Variants in ATP13A4 observed in about 807,000 individuals in gnomAD.
The protein encoded by ATP13A4 is ATPase 13A4, also known as probable cation-transporting ATPase 13A4.
In ATP13A4, 114 loss-of-function variants were observed where a neutral mutation model predicts 142.5. That is an observed-to-expected ratio of 0.80 (90% CI 0.69 to 0.93). ATP13A4 has a LOEUF of 0.93. Among genes scored for constraint, ATP13A4 ranks in the 40% least tolerant of loss-of-function variants. The probability of loss-of-function intolerance (pLI) is 0.00; values close to 1 mark genes in which losing one functional copy is unlikely to be tolerated. For missense variants in ATP13A4, 1,392 were observed against 1,454.0 expected, an observed-to-expected ratio of 0.96 and a Z score of 0.69; for synonymous variants, 488 against 514.8, an observed-to-expected ratio of 0.95 and a Z score of 0.70.
chr3:193,431,083 A>G (rs546703877), intron 25 of ATP13A4, among the ~76,000 whole-genome samples: 2 of 152,198 alleles, frequency 1.3e-5, no homozygotes, highest in East Asian at 3.9e-4. Flanking sequence ...TGATGGGTGA[A>G]GAAACAAGAA....
intron 1 of ATP13A4, among the ~76,000 whole-genome samples, chr3:193,551,142 G>A (rs756953526): frequency 2.6e-5 from 4 of 152,104 alleles, no homozygotes; most frequent in Admixed American, 6.5e-5. Flanking sequence ...GGCCAGGTGC[G>A]GTGGCTCATG....
chr3:193,478,550 A>G (rs1027085562), intron 8 of ATP13A4, among the ~76,000 whole-genome samples: 21 of 152,048 alleles, frequency 1.4e-4, no homozygotes, highest in African/African-American at 4.8e-4. Context: ...TCCTGGAAAT[A>G]TACAACCCTC....
intron 1 of ATP13A4, among the ~76,000 whole-genome samples, chr3:193,540,654 A>C (rs1249752704): frequency 6.6e-6 from 1 of 152,068 alleles, no homozygotes; most frequent in Non-Finnish European, 1.5e-5. Flanking sequence ...AATGTATATC[A>C]GTAGGGCAAT....
chr3:193,585,104 T>G (rs1724643061), intron 1 of ATP13A4, among the ~76,000 whole-genome samples: 1 of 152,184 alleles, frequency 6.6e-6, no homozygotes, highest in Non-Finnish European at 1.5e-5. Flanking sequence ...TTCGCAAACT[T>G]TGTTACTGTT....
chr3:193,400,543 C>T lies in ATP13A4; in HGVS notation c.*2109G>A, dbSNP rs1714228528. On this transcript the variant is annotated 3_prime_UTR_variant, in exon 30 of 30. Transcript: ENST00000342695. ...TTCTTTGCTTGACTGTGAGATCACA[C>T]TAAGCAACCTGCCCTGCTGGAACTC... is the stretch of plus-strand genomic sequence containing the variant. Among the ~76,000 whole-genome samples the T allele has an allele frequency of 6.6e-6, 1 of 152,204 alleles. No individual in the cohort carries two copies. Among genetic ancestry groups the T allele is most frequent in the South Asian group, 2.1e-4 (1 of 4,826 alleles).
chr3:193,495,617 A>G (rs1413682494), intron 3 of ATP13A4, among the ~76,000 whole-genome samples: 2 of 152,174 alleles, frequency 1.3e-5, no homozygotes, highest in East Asian at 1.9e-4. Context: ...ATCAACAGCT[A>G]ATATCATACA....
intron 10 of ATP13A4, among the ~76,000 whole-genome samples, chr3:193,466,732 C>G (rs1220152258): frequency 6.6e-6 from 1 of 152,188 alleles, no homozygotes; most frequent in Admixed American, 6.5e-5. Context: ...ATAGCAGAAA[C>G]AGTAAGCATC....
chr3:193,467,322 G>A lies in ATP13A4; in HGVS notation c.1108C>T (p.Gln370Ter). The A allele has an allele frequency of 3.1e-6, 5 of 1,614,192 alleles. No individual in the cohort carries two copies. Among genetic ancestry groups the A allele is most frequent in the Non-Finnish European group, 4.2e-6 (5 of 1,180,026 alleles). Residue 370 changes from glutamine (Q) to a stop codon, truncating the protein, a stop_gained, in exon 10 of 30, where the codon CAG becomes TAG. Coordinates refer to ENST00000342695, the MANE Select transcript of ATP13A4 (RefSeq NM_032279.4). LOFTEE classifies it high-confidence loss of function. ...AAAAGGAGGGGATGCTAACCAGTCTGCAGTACCACGGCTCTCACGGTCCCA... is the reference window on the plus strand; with the variant it reads ...AAAAGGAGGGGATGCTAACCAGTCTACAGTACCACGGCTCTCACGGTCCCA... ...CSGTVRAVVL[Q>*]TGFNTAKGDL... is the part of the protein sequence containing the mutation.
chr3:193,556,511 A>G (rs200768261), upstream of ATP13A4, among the ~76,000 whole-genome samples: 75 of 147,418 alleles, frequency 5.1e-4, no homozygotes, highest in Admixed American at 2.0e-3. Context: ...GTGTGTGTGT[A>G]TATATATATG....
At chr3:193,581,540 C>T (rs1010735862) in intron 2 of ATP13A4, among the ~76,000 whole-genome samples, 1 of 152,096 alleles carries the variant, frequency 6.6e-6, no homozygotes, top group Non-Finnish European at 1.5e-5. Context: ...AAAATAATTC[C>T]TTATGCTTAG....
chr3:193,563,916 G>T (rs960605146), intron 2 of ATP13A4, among the ~76,000 whole-genome samples: 1 of 152,136 alleles, frequency 6.6e-6, no homozygotes, highest in Non-Finnish European at 1.5e-5. Flanking sequence ...GAGAAAATGA[G>T]AGCCAGAAAA....
At chr3:193,532,896 G>C (rs1189178522) in intron 1 of ATP13A4, among the ~76,000 whole-genome samples, 1 of 151,956 alleles carries the variant, frequency 6.6e-6, no homozygotes, top group Non-Finnish European at 1.5e-5. Context: ...AATTTTAATG[G>C]CATAAGGAAA....
intron 1 of ATP13A4, among the ~76,000 whole-genome samples, chr3:193,517,622 A>G (rs544431364): frequency 1.6e-4 from 24 of 152,154 alleles, no homozygotes; most frequent in East Asian, 7.8e-4. Flanking sequence ...CTGGGACTAC[A>G]GGCGCCCGCC....
intron 18 of ATP13A4, among the ~76,000 whole-genome samples, chr3:193,446,994 G>T (rs75701551): frequency 0.05 from 7,602 of 152,282 alleles, 286 homozygotes; most frequent in Middle Eastern, 0.092. Flanking sequence ...TCAAGCATAT[G>T]TAAGAAATCT....
intron 21 of ATP13A4, 85 bp downstream of exon 21, chr3:193,440,473 T>G: frequency 6.3e-7 from 1 of 1,597,818 alleles, no homozygotes; most frequent in Non-Finnish European, 8.5e-7. Flanking sequence ...CTTGTCAAAC[T>G]GAGTGACTCC....
At chr3:193,485,808 A>G (rs1414389850) in intron 7 of ATP13A4, among the ~76,000 whole-genome samples, 1 of 151,996 alleles carries the variant, frequency 6.6e-6, no homozygotes, top group East Asian at 1.9e-4. Context: ...TGCAATAGGA[A>G]GGTACCATCT....
intron 18 of ATP13A4, among the ~76,000 whole-genome samples, chr3:193,446,908 A>G (rs1484346388): frequency 2.0e-5 from 3 of 152,192 alleles, no homozygotes; most frequent in Admixed American, 2.0e-4. Flanking sequence ...ACAGATCATT[A>G]AGAAAAAAGA....
At position 193,441,595 on chromosome 3, in the gene ATP13A4, A is replaced by G. The variant is rs144981347; in HGVS notation, c.2317-7T>C. The G allele has an allele frequency of 4.3e-6, 7 of 1,612,886 alleles. No homozygotes were observed. In the East Asian group the frequency reaches 1.3e-4, roughly 31 times the overall value. Reference sequence around the variant, plus strand: ...TGATGTTAATGTAATTGTCCTACAAAGCAAGACACAGTTATTTTAGACTCT... The same window carrying G: ...TGATGTTAATGTAATTGTCCTACAAGGCAAGACACAGTTATTTTAGACTCT... On this transcript the variant is annotated splice_region_variant and splice_polypyrimidine_tract_variant and intron_variant, in intron 19 of 29. Transcript: ENST00000342695.
chr3:193,481,511 G>C (rs1170794528), intron 8 of ATP13A4, among the ~76,000 whole-genome samples: 1 of 152,130 alleles, frequency 6.6e-6, no homozygotes, highest in African/African-American at 2.4e-5. Context: ...TGGTAACCCA[G>C]CCAGGTGTAG....
Sources: allele counts gnomAD v4.1 joint callset (sites outside exome capture counted in the v4.1 genomes callset), GRCh38; gene constraint gnomAD v4.1.1; transcripts MANE v1.5; gene names NCBI Gene and HGNC (gene_info 2026-07-23, HGNC 2026-07-21).